The following USP26 variants were observed in gnomAD, a reference collection of about 807,000 sequenced individuals.
USP26 encodes ubiquitin carboxyl-terminal hydrolase 26.
For missense variants in USP26, 649 were observed against 642.3 expected (o/e 1.01, Z -0.11); for synonymous variants, 236 against 240.6 (o/e 0.98, Z 0.18).
chrX:133,045,594 C>T (rs12010767), intron 5 of USP26, among the ~76,000 whole-genome samples: 2,583 of 111,701 alleles, frequency 0.023, 44 homozygotes, highest in African/African-American at 0.068. Flanking sequence ...ATCAAGACCA[C>T]GAACCCACCG....
chrX:133,069,258 G>A (rs2067522834), intron 5 of USP26, among the ~76,000 whole-genome samples: 3 of 111,876 alleles, frequency 2.7e-5, no homozygotes. Flanking sequence ...AGAAGGAGAA[G>A]GTGCATTTTC....
At chrX:133,063,099 C>T (rs765233689) in intron 5 of USP26, among the ~76,000 whole-genome samples, 1 of 110,520 alleles carries the variant, frequency 9.0e-6, no homozygotes, top group Non-Finnish European at 1.9e-5. Flanking sequence ...TATCAACAGC[C>T]GAATCGATCA....
intron 4 of USP26, among the ~76,000 whole-genome samples, chrX:133,087,911 T>C (rs958604336): frequency 1.8e-5 from 2 of 111,556 alleles, no homozygotes; most frequent in African/African-American, 3.3e-5. Flanking sequence ...GGCTCACACT[T>C]GTAATCCCAG....
intron 5 of USP26, among the ~76,000 whole-genome samples, chrX:133,038,320 T>C (rs1321404847): frequency 9.0e-6 from 1 of 111,715 alleles, no homozygotes; most frequent in Non-Finnish European, 1.9e-5. Context: ...ATAGCTCTTA[T>C]TATTTTGAGA....
intron 4 of USP26, among the ~76,000 whole-genome samples, chrX:133,086,083 A>G (rs2148537568): frequency 9.0e-6 from 1 of 111,632 alleles, no homozygotes; most frequent in South Asian, 3.8e-4. Context: ...GCCACCTGTG[A>G]CCGCTTGAAA....
At chrX:133,085,789 T>C (rs939909841) in intron 4 of USP26, among the ~76,000 whole-genome samples, 1 of 111,354 alleles carries the variant, frequency 9.0e-6, no homozygotes, top group African/African-American at 3.3e-5. Flanking sequence ...CTGCAGGTCC[T>C]CAAATAAGGT....
chrX:133,025,134 G>A lies in USP26; in HGVS notation c.*345C>T. 1 of 221,140 alleles carries A rather than the reference G, an allele frequency of 4.5e-6. No homozygotes were observed. The allele number at this position is 221,140 out of a possible 1,213,427, so 18.2% of individuals were successfully genotyped here. On this transcript the variant is annotated 3_prime_UTR_variant, in exon 6 of 6. Coordinates refer to ENST00000511190, the MANE Select transcript of USP26 (RefSeq NM_031907.3). ...CTTTTCAGGAGGCTGAGAGAGAATC[G>A]CTTGATGCCAGGAGTTTGAGGCTGC...
In USP26 at chrX:133,027,234, T is replaced by C. The variant is rs1255561849; in HGVS notation, c.987A>G (p.Pro329=). 1.7e-6 allele frequency: 2 copies of C among 1,210,840 alleles called. No individual in the cohort carries two copies. Among genetic ancestry groups the C allele is most frequent in the African/African-American group, 1.7e-5 (1 of 57,806 alleles). The part of the protein sequence containing the change: ...FADDLLNQSF[P]WGKIPLNALT... Reference sequence around the variant, plus strand: ...GAGCATTAAGGGGAATTTTACCCCATGGGAAACTCTGATTAAGTAAATCAT... The same window carrying C: ...GAGCATTAAGGGGAATTTTACCCCACGGGAAACTCTGATTAAGTAAATCAT... The change falls in exon 6 of 6, where the codon CCA becomes CCG. Residue 329 remains proline, a synonymous_variant. Coordinates refer to ENST00000511190, the MANE Select transcript of USP26 (RefSeq NM_031907.3).
At chrX:133,029,803 A>G (rs2067369709) in intron 5 of USP26, among the ~76,000 whole-genome samples, 1 of 111,795 alleles carries the variant, frequency 8.9e-6, no homozygotes, top group South Asian at 3.8e-4. Context: ...TACAGTTAAG[A>G]GACATTCCTT....
chrX:133,064,495 C>G (rs2067504767), intron 5 of USP26, among the ~76,000 whole-genome samples: 1 of 111,931 alleles, frequency 8.9e-6, no homozygotes, highest in African/African-American at 3.2e-5. Flanking sequence ...CACTCCACAA[C>G]AAATGCAAAA....
intron 5 of USP26, among the ~76,000 whole-genome samples, chrX:133,048,740 G>A (rs1206569315): frequency 9.0e-6 from 1 of 111,303 alleles, no homozygotes; most frequent in Non-Finnish European, 1.9e-5. Flanking sequence ...TAAAGACGGG[G>A]TTTCACCGTG....
At chrX:133,060,658 A>G (rs1432447726) in intron 5 of USP26, among the ~76,000 whole-genome samples, 1 of 111,978 alleles carries the variant, frequency 8.9e-6, no homozygotes, top group Non-Finnish European at 1.9e-5. Flanking sequence ...GCATTAATTC[A>G]TGTAAAAAAT....
Position 133,027,888 on chromosome X carries a change from T to C in USP26, c.333A>G (p.Arg111=). The C allele has an allele frequency of 1.7e-6, 2 of 1,210,394 alleles. No individual in the cohort carries two copies. The highest frequency in any genetic ancestry group is 2.2e-6 in the Non-Finnish European group (2 of 894,561). Residue 111 remains arginine, a synonymous_variant, in exon 6 of 6, where the codon AGA becomes AGG. Transcript: ENST00000511190. Reference sequence around the variant, plus strand: ...AAAAGACACTCCCACCCTTACCAGGTCTCACAGGTGGCTGAACCTCGTTTT... The same window carrying C: ...AAAAGACACTCCCACCCTTACCAGGCCTCACAGGTGGCTGAACCTCGTTTT... ...VHQNEVQPPV[R]PGKGGSVFSS...
intron 5 of USP26, among the ~76,000 whole-genome samples, chrX:133,056,352 T>C (rs2067475345): frequency 9.0e-6 from 1 of 111,393 alleles, no homozygotes; most frequent in Non-Finnish European, 1.9e-5. Context: ...TTTGGGCCTT[T>C]TCCTTCTTCC....
chrX:133,029,759 C>A (rs978406843), intron 5 of USP26, among the ~76,000 whole-genome samples: 1 of 111,792 alleles, frequency 8.9e-6, no homozygotes, highest in Admixed American at 9.5e-5. Flanking sequence ...TAATCTAAGA[C>A]CCTCTTGATA....
At chrX:133,073,047 T>C (rs987777544) in intron 5 of USP26, among the ~76,000 whole-genome samples, 2 of 111,820 alleles carry the variant, frequency 1.8e-5, no homozygotes, top group Non-Finnish European at 3.8e-5. Flanking sequence ...TGGAATAATG[T>C]CAAAGAAATT....
At chrX:133,047,631 T>C (rs1424991157) in intron 5 of USP26, among the ~76,000 whole-genome samples, 1 of 111,822 alleles carries the variant, frequency 8.9e-6, no homozygotes, top group Non-Finnish European at 1.9e-5. Context: ...TATTCAGATG[T>C]TGAAATCCTA....
intron 5 of USP26, among the ~76,000 whole-genome samples, chrX:133,064,763 CA>C (rs2067505614): frequency 8.9e-6 from 1 of 111,867 alleles, no homozygotes; most frequent in Admixed American, 9.5e-5. Context: ...TAAATACCCA[CA>C]GCAGAAAGTG....
At chrX:133,064,280 G>T (rs1309291499) in intron 5 of USP26, among the ~76,000 whole-genome samples, 8 of 111,399 alleles carry the variant, frequency 7.2e-5, no homozygotes, top group Non-Finnish European at 1.1e-4. Context: ...AATAATAGTG[G>T]GAGACTTTAA....
Sources: allele counts gnomAD v4.1 joint callset (sites outside exome capture counted in the v4.1 genomes callset), GRCh38; gene constraint gnomAD v4.1.1; transcripts MANE v1.5; gene names NCBI Gene and HGNC (gene_info 2026-07-23, HGNC 2026-07-21).